Variants in TAF1 observed in about 807,000 individuals in gnomAD.
The protein encoded by TAF1 is transcription initiation factor TFIID subunit 1.
In TAF1, 2 loss-of-function variants were observed where a neutral mutation model predicts 138.5. The observed-to-expected ratio is 0.01, with a 90% CI of 0.01 to 0.05. TAF1 has a LOEUF of 0.05. Among genes scored for constraint, TAF1 ranks in the 10% least tolerant of loss-of-function variants. TAF1 has a pLI of 1.00. For missense variants in TAF1, 709 were observed against 1,478.0 expected, an observed-to-expected ratio of 0.48 and a Z score of 8.53; for synonymous variants, 437 against 503.2, an observed-to-expected ratio of 0.87 and a Z score of 1.76.
intron 32 of TAF1, among the ~76,000 whole-genome samples, chrX:71,430,477 G>A (rs1243821424): frequency 1.8e-5 from 2 of 110,240 alleles, no homozygotes; most frequent in South Asian, 3.8e-4. Context: ...AGGTGTATCT[G>A]TATATGCTCA....
chrX:71,438,413 G>C (rs1189174450), intron 32 of TAF1, among the ~76,000 whole-genome samples: 1 of 111,559 alleles, frequency 9.0e-6, no homozygotes, highest in Non-Finnish European at 1.9e-5. Context: ...TACTTACCAT[G>C]TTTTCAAGGT....
chrX:71,419,541 C>T (rs918887580), intron 28 of TAF1, among the ~76,000 whole-genome samples: 2 of 109,790 alleles, frequency 1.8e-5, no homozygotes, highest in South Asian at 4.0e-4. Context: ...GAAAAAGAAA[C>T]ACAAAAGGAA....
chrX:71,452,306 G>A (rs2038032034), intron 32 of TAF1, among the ~76,000 whole-genome samples: 1 of 110,688 alleles, frequency 9.0e-6, no homozygotes, highest in Non-Finnish European at 1.9e-5. Flanking sequence ...TTCTCAGACG[G>A]GGCGGTTGCC....
intron 13 of TAF1, among the ~76,000 whole-genome samples, chrX:71,503,348 A>ATATATATATGTG (rs1556031095): frequency 1.1e-5 from 1 of 92,861 alleles, no homozygotes; most frequent in African/African-American, 4.3e-5. Context: ...ATATATGTGT[A>ATATATATATGTG]TATATATATA....
chrX:71,497,423 C>G (rs946856268), intron 13 of TAF1, among the ~76,000 whole-genome samples: 2 of 111,512 alleles, frequency 1.8e-5, no homozygotes, highest in Non-Finnish European at 3.8e-5. Context: ...TCCTTTGGCA[C>G]CTAGTATGCC....
intron 8 of TAF1, among the ~76,000 whole-genome samples, chrX:71,380,262 C>A (rs1393209072): frequency 9.1e-6 from 1 of 110,187 alleles, no homozygotes; most frequent in African/African-American, 3.3e-5. Context: ...CTTTGTTGCC[C>A]AGACTGGTTT....
chrX:71,408,220 T>A lies in TAF1; in HGVS notation c.4384+69T>A, dbSNP rs554951520. ...TCCTTATTCCTTACTGGCCCTAAATTCAGACTAGATTGGACTGAGAGGACT... is the reference window on the plus strand; with the variant it reads ...TCCTTATTCCTTACTGGCCCTAAATACAGACTAGATTGGACTGAGAGGACT... On this transcript the variant is annotated intron_variant, in intron 28 of 37. Transcript: ENST00000423759. The A allele has an allele frequency of 1.9e-5, 22 of 1,134,744 alleles. No homozygotes were observed. The African/African-American group carries it at 3.8e-4, about 19-fold the overall frequency. 93.5% of individuals were successfully genotyped at this position (1,134,744 alleles called of 1,213,427 possible). A position where few individuals can be genotyped will look rare whatever the true frequency, so the allele number is the denominator to read the frequency against.
chrX:71,421,417 G>C (rs1326270797), intron 29 of TAF1, 41 bp downstream of exon 29: 3 of 970,770 alleles, frequency 3.1e-6, no homozygotes, highest in Non-Finnish European at 4.4e-6. Flanking sequence ...GGAATTTGAA[G>C]GTGGGGGTGG....
intron 32 of TAF1, among the ~76,000 whole-genome samples, chrX:71,433,960 A>T (rs962251553): frequency 1.8e-5 from 2 of 112,190 alleles, no homozygotes; most frequent in Non-Finnish European, 3.8e-5. Context: ...TTGAGGAGTG[A>T]AAGGCACATG....
At chrX:71,481,091 C>T (rs948718597) in intron 13 of TAF1, among the ~76,000 whole-genome samples, 16 of 112,161 alleles carry the variant, frequency 1.4e-4, no homozygotes, top group African/African-American at 5.2e-4. Context: ...CCAGCCTGGC[C>T]AACATGGCGA....
intron 13 of TAF1, among the ~76,000 whole-genome samples, chrX:71,487,173 C>T (rs776966866): frequency 1.1e-4 from 12 of 107,038 alleles, no homozygotes; most frequent in African/African-American, 3.7e-4. Flanking sequence ...TGGGATTGCC[C>T]CCCAGCTCAT....
At chrX:71,467,992 G>A (rs1391090291), downstream of TAF1, among the ~76,000 whole-genome samples, 1 of 111,622 alleles carries the variant, frequency 9.0e-6, no homozygotes, top group African/African-American at 3.3e-5. Context: ...ACAGTGGCTC[G>A]CACCTGTAAT....
chrX:71,392,345 A>G (rs757228732), intron 18 of TAF1, among the ~76,000 whole-genome samples: 3 of 111,557 alleles, frequency 2.7e-5, no homozygotes, highest in Non-Finnish European at 5.6e-5. Context: ...ATTTAATATC[A>G]TGTTGTAAGT....
At chrX:71,463,133 A>G (rs1450041328) in intron 37 of TAF1, among the ~76,000 whole-genome samples, 1 of 112,060 alleles carries the variant, frequency 8.9e-6, no homozygotes, top group Non-Finnish European at 1.9e-5. Context: ...TAAATTAAAA[A>G]AAATGTTTAA....
At chrX:71,458,187 GTATT>G (rs1394161358) in intron 34 of TAF1, 50 bp from the exon 35 acceptor site, 1 of 1,187,207 alleles carries the variant, frequency 8.4e-7, no homozygotes, top group East Asian at 3.0e-5. Flanking sequence ...GGAGTTATCT[GTATT>G]TATTTTCCCT....
chrX:71,497,516 G>A (rs926257001), intron 13 of TAF1, among the ~76,000 whole-genome samples: 3 of 111,195 alleles, frequency 2.7e-5, no homozygotes, highest in Non-Finnish European at 5.7e-5. Context: ...GGCCACCACC[G>A]CTACTACCCA....
At chrX:71,378,176 G>T in intron 6 of TAF1, 59 bp from the exon 7 acceptor site, 1 of 1,126,498 alleles carries the variant, frequency 8.9e-7, no homozygotes. Flanking sequence ...ACTCTCTATA[G>T]CCTTAGGACA....
At chrX:71,422,720 T>C (rs904164627) in intron 29 of TAF1, among the ~76,000 whole-genome samples, 1 of 110,868 alleles carries the variant, frequency 9.0e-6, no homozygotes, top group African/African-American at 3.3e-5. Flanking sequence ...TGAACTTAAA[T>C]TATCCTTAAT....
At chrX:71,421,799 A>G (rs1217752014) in intron 29 of TAF1, among the ~76,000 whole-genome samples, 2 of 112,412 alleles carry the variant, frequency 1.8e-5, no homozygotes, top group South Asian at 3.6e-4. Flanking sequence ...TAATCTATCT[A>G]TATTCCCTCT....
Sources: gnomAD v4.1 joint callset for allele counts (sites outside exome capture counted in the v4.1 genomes callset) on GRCh38, gnomAD v4.1.1 for gene constraint, MANE v1.5 for transcripts, NCBI Gene and HGNC (gene_info 2026-07-23, HGNC 2026-07-21) for gene names.